RPL6: variants seen among roughly 807,000 people sequenced by gnomAD.
RPL6 encodes ribosomal protein L6.
A neutral mutation model predicts 32.1 loss-of-function variants in RPL6; 1 was observed. The observed-to-expected ratio is 0.03, with a 90% CI of 0.01 to 0.15. The LOEUF (loss-of-function observed/expected upper bound fraction) is 0.15. Among genes scored for constraint, RPL6 ranks in the 10% least tolerant of loss-of-function variants. The pLI is 1.00. For synonymous variants in RPL6, 126 were observed against 131.6 expected (o/e 0.96, Z 0.29); for missense variants, 275 against 354.6 (o/e 0.78, Z 1.80).
chr12:112,408,378 A>G lies in RPL6; in HGVS notation c.238-40T>C, dbSNP rs1228029230. 4 of 1,613,388 alleles carry G rather than the reference A, an allele frequency of 2.5e-6. No individual in the cohort carries two copies. The African/African-American group carries it at 4.0e-5, about 16-fold the overall frequency. ...ATGCATCAACAGTAAGAGAATGCCAATTAAGGTTAAGACATAATGGTCCGT... is the reference window on the plus strand; with the variant it reads ...ATGCATCAACAGTAAGAGAATGCCAGTTAAGGTTAAGACATAATGGTCCGT... On this transcript the variant is annotated intron_variant, in intron 2 of 6. Coordinates refer to ENST00000202773, the MANE Select transcript of RPL6 (RefSeq NM_000970.6).
chr12:112,412,719 A>G (rs906613884), upstream of RPL6, among the ~76,000 whole-genome samples: 1 of 152,002 alleles, frequency 6.6e-6, no homozygotes, highest in Non-Finnish European at 1.5e-5. Flanking sequence ...TAGGCAGTAA[A>G]TCTTTTAAAG....
Position 112,406,323 on chromosome 12 carries a change from T to C in RPL6, c.500A>G (p.Gln167Arg). 6.2e-7 allele frequency: 1 copy of C among 1,613,762 alleles called. No individual in the cohort carries two copies. The highest frequency in any genetic ancestry group is 8.5e-7 in the Non-Finnish European group (1 of 1,179,642). The change falls in exon 5 of 7, where the codon CAG (glutamine) becomes CGG (arginine). Residue 167 changes from glutamine to arginine, a missense_variant. By Grantham distance (43) the Gln-to-Arg change is conservative. Coordinates refer to ENST00000202773, the MANE Select transcript of RPL6 (RefSeq NM_000970.6). The part of the protein sequence containing the change: ...HRGKRVVFLK[Q>R]LASGLLLVTG... ...CACAAGTAATAAGCCACTAGCCAGC[T>C]GCTTCAGGAAAACCACCCTCTGTAA...
upstream of RPL6, among the ~76,000 whole-genome samples, chr12:112,415,234 G>A (rs1322285223): frequency 7.1e-6 from 1 of 141,144 alleles, no homozygotes; most frequent in Non-Finnish European, 1.5e-5. Context: ...AGAGAATGAA[G>A]CGAGTAGTGG....
At position 112,406,166 on chromosome 12, in the gene RPL6, A is replaced by G. The variant is rs1410738228; in HGVS notation, c.529+128T>C. ...GTCTAACCCACTTGCACACAAGGCA[A>G]TGAAATGGGCCTCAGACACTTGTGG... On this transcript the variant is annotated intron_variant, in intron 5 of 6. Coordinates refer to ENST00000202773, the MANE Select transcript of RPL6 (RefSeq NM_000970.6). 18 of 1,193,648 alleles carry G rather than the reference A, an allele frequency of 1.5e-5. No homozygotes were observed. In the East Asian group the frequency reaches 4.2e-4, roughly 28 times the overall value. The allele number at this position is 1,193,648 out of a possible 1,614,324, so 73.9% of individuals were successfully genotyped here. A position where few individuals can be genotyped will look rare whatever the true frequency, so the allele number is the denominator to read the frequency against.
chr12:112,416,361 G>C (rs978514153), intron 1 of RPL6, among the ~76,000 whole-genome samples: 1 of 151,866 alleles, frequency 6.6e-6, no homozygotes, highest in Admixed American at 6.6e-5. Context: ...GGATGGTCTC[G>C]ATCTCCTGAC....
At chr12:112,409,444 A>G (rs1356313196) in intron 1 of RPL6, 143 bp downstream of exon 1, 1 of 398,490 alleles carries the variant, frequency 2.5e-6, no homozygotes, top group Non-Finnish European at 4.4e-6. Flanking sequence ...CCAAACAACA[A>G]AAATGAAGCG....
chr12:112,409,330 G>A (rs1034349042), intron 1 of RPL6: 5 of 394,392 alleles, frequency 1.3e-5, no homozygotes, highest in Non-Finnish European at 2.2e-5. Context: ...AGTCTGCTAC[G>A]GGTCCCCGAA....
upstream of RPL6, among the ~76,000 whole-genome samples, chr12:112,412,921 C>G (rs1314743242): frequency 1.6e-5 from 2 of 128,628 alleles, no homozygotes; most frequent in South Asian, 5.8e-4. Context: ...GAGACTCTGT[C>G]TCAAATAAAT....
At chr12:112,416,519 AC>A (rs546519413) in intron 1 of RPL6, among the ~76,000 whole-genome samples, 4 of 151,678 alleles carry the variant, frequency 2.6e-5, no homozygotes, top group Non-Finnish European at 5.9e-5. Flanking sequence ...CAGGTGATCC[AC>A]CCACCTTGGC....
At chr12:112,413,487 G>A (rs1192783615), upstream of RPL6, among the ~76,000 whole-genome samples, 1 of 152,160 alleles carries the variant, frequency 6.6e-6, no homozygotes, top group African/African-American at 2.4e-5. Context: ...GCAGTGAGCC[G>A]AGATTGTGCC....
chr12:112,407,184 C>A (rs567529406), intron 3 of RPL6: 25 of 278,710 alleles, frequency 9.0e-5, no homozygotes, highest in Non-Finnish European at 1.6e-4. Flanking sequence ...AGAGATTACA[C>A]GTGTGACATG....
upstream of RPL6, among the ~76,000 whole-genome samples, chr12:112,410,050 G>T (rs1273006584): frequency 6.6e-6 from 1 of 151,126 alleles, no homozygotes; most frequent in Admixed American, 6.6e-5. Context: ...GCTCACGCCT[G>T]TAATCCCAGC....
chr12:112,415,948 G>C (rs1301979267), intron 1 of RPL6, among the ~76,000 whole-genome samples: 2 of 139,264 alleles, frequency 1.4e-5, no homozygotes, highest in African/African-American at 5.3e-5. Context: ...GGAGTGACTA[G>C]TTTTGCAGTT....
intron 3 of RPL6, 33 bp downstream of exon 3, chr12:112,408,207 C>G: frequency 1.3e-6 from 2 of 1,507,412 alleles, no homozygotes; most frequent in Non-Finnish European, 1.8e-6. Flanking sequence ...CAAGCATAAA[C>G]AGAAAATCCA....
chr12:112,407,173 CAG>C (rs1428781572), intron 3 of RPL6: 5 of 318,400 alleles, frequency 1.6e-5, no homozygotes, highest in African/African-American at 1.1e-4. Flanking sequence ...AACTAAACCT[CAG>C]AGATTACACG....
At chr12:112,408,023 T>C in intron 3 of RPL6, 1 of 556,658 alleles carries the variant, frequency 1.8e-6, no homozygotes, top group South Asian at 2.2e-5. Flanking sequence ...CTCAGCCTCA[T>C]TCCCATATTA....
intron 3 of RPL6, chr12:112,407,983 G>C (rs1840678121): frequency 2.2e-6 from 1 of 444,996 alleles, no homozygotes; most frequent in Non-Finnish European, 4.0e-6. Context: ...GCCTCCCAAA[G>C]TGCTGGGATT....
chr12:112,415,307 G>T (rs374658197), upstream of RPL6, among the ~76,000 whole-genome samples: 1 of 152,192 alleles, frequency 6.6e-6, no homozygotes, highest in Non-Finnish European at 1.5e-5. Flanking sequence ...ATTGGCTCAC[G>T]CCTGTAAATC....
chr12:112,411,244 G>A (rs1453854808), upstream of RPL6: 1 of 152,196 alleles, frequency 6.6e-6, no homozygotes, highest in Non-Finnish European at 1.5e-5. Flanking sequence ...CACAGTATAT[G>A]TGATAGTTCT....
Sources: allele counts gnomAD v4.1 joint callset (sites outside exome capture counted in the v4.1 genomes callset), GRCh38; gene constraint gnomAD v4.1.1; transcripts MANE v1.5; gene names NCBI Gene and HGNC (gene_info 2026-07-23, HGNC 2026-07-21).